TRIM69: variants seen among roughly 807,000 people sequenced by gnomAD.
The protein encoded by TRIM69 is tripartite motif containing 69.
Under a neutral mutation model 37.7 loss-of-function variants are expected in TRIM69, and 29 were observed. That is an observed-to-expected ratio of 0.77 (90% CI 0.57 to 1.05). The LOEUF (loss-of-function observed/expected upper bound fraction) is 1.05. Ranked by LOEUF, TRIM69 falls within the 50% of genes least tolerant of loss-of-function variation. The pLI, the probability that TRIM69 is intolerant of heterozygous loss-of-function variation, is 0.00. For synonymous variants in TRIM69, 209 were observed against 212.4 expected (o/e 0.98, Z 0.14); for missense variants, 596 against 579.9 (o/e 1.03, Z -0.28).
chr15:44,737,694 G>T (rs923488675), intron 1 of TRIM69, among the ~76,000 whole-genome samples: 1 of 152,126 alleles, frequency 6.6e-6, no homozygotes, highest in African/African-American at 2.4e-5. Context: ...GGCTTGACTC[G>T]TGAAGCAGGA....
intron 1 of TRIM69, among the ~76,000 whole-genome samples, chr15:44,741,174 G>C (rs908586085): frequency 5.9e-5 from 9 of 151,928 alleles, no homozygotes; most frequent in African/African-American, 1.9e-4. Flanking sequence ...ACTCAAAACC[G>C]CTCAACTACA....
At chr15:44,753,874 C>T (rs2087586058) in intron 1 of TRIM69, 1 of 152,040 alleles carries the variant, frequency 6.6e-6, no homozygotes, top group Non-Finnish European at 1.5e-5. Flanking sequence ...GCCGCCATGA[C>T]CAGCTAATTT....
intron 6 of TRIM69, 146 bp from the exon 7 acceptor site, chr15:44,767,085 G>C (rs1398263351): frequency 7.2e-5 from 4 of 55,414 alleles, no homozygotes; most frequent in Non-Finnish European, 1.1e-4. Flanking sequence ...AAAAAAAAAA[G>C]CATATAAGTA....
intron 6 of TRIM69, among the ~76,000 whole-genome samples, chr15:44,766,394 C>A (rs1198908178): frequency 6.6e-6 from 1 of 152,204 alleles, no homozygotes; most frequent in African/African-American, 2.4e-5. Flanking sequence ...AAACCTCTCA[C>A]TATTGTCCTC....
At chr15:44,750,693 C>T (rs2087500121) in intron 1 of TRIM69, among the ~76,000 whole-genome samples, 1 of 144,738 alleles carries the variant, frequency 6.9e-6, no homozygotes, top group Non-Finnish European at 1.5e-5. Context: ...CAAAGAATCG[C>T]ATTTTTATTT....
intron 4 of TRIM69, 46 bp downstream of exon 4, chr15:44,758,900 G>T (rs764664458): frequency 8.9e-6 from 14 of 1,567,750 alleles, no homozygotes; most frequent in Middle Eastern, 1.7e-4. Flanking sequence ...CCTACCTAGA[G>T]GGGGGAAGAG....
At chr15:44,764,046 A>C (rs1263304820) in intron 6 of TRIM69, among the ~76,000 whole-genome samples, 1 of 152,226 alleles carries the variant, frequency 6.6e-6, no homozygotes, top group Admixed American at 6.5e-5. Flanking sequence ...ATGCATGTGC[A>C]GATTAGTACT....
chr15:44,767,200 C>T (rs745413246), intron 6 of TRIM69, 31 bp from the exon 7 acceptor site: 44 of 1,581,038 alleles, frequency 2.8e-5, no homozygotes, highest in Non-Finnish European at 3.5e-5. Context: ...CCCTTTCTCC[C>T]ATGCTCTGCT....
Position 44,755,326 on chromosome 15 carries a change from G to T in TRIM69, c.433G>T (p.Gly145Trp). 6.2e-7 allele frequency: 1 copy of T among 1,613,948 alleles called. No homozygotes were observed. Among genetic ancestry groups the T allele is most frequent in the Non-Finnish European group, 8.5e-7 (1 of 1,180,012 alleles). ...FQCKDARLSV[G>W]QSKEFLQISD... ...ATGCAAGGATGCTCGGTTGTCTGTG[G>T]GGCAGTCTAAGGAGTTCCTGCAAAT... The change falls in exon 2 of 7, where the codon GGG (glycine) becomes TGG (tryptophan). Residue 145 changes from glycine (G) to tryptophan (W), a missense_variant. Coordinates refer to ENST00000329464, the MANE Select transcript of TRIM69 (RefSeq NM_182985.5).
At chr15:44,763,412 T>C (rs1320173196) in intron 6 of TRIM69, among the ~76,000 whole-genome samples, 1 of 152,238 alleles carries the variant, frequency 6.6e-6, no homozygotes, top group Non-Finnish European at 1.5e-5. Flanking sequence ...TTTATGACTA[T>C]TGATGTTGAC....
At chr15:44,750,956 T>G (rs1412535445) in intron 1 of TRIM69, among the ~76,000 whole-genome samples, 1 of 130,110 alleles carries the variant, frequency 7.7e-6, no homozygotes, top group East Asian at 2.2e-4. Flanking sequence ...TTGCCTTTTT[T>G]TTTTTTTTTT....
At position 44,767,545 on chromosome 15, in the gene TRIM69, G is replaced by A. The variant is rs966870051; in HGVS notation, c.1276G>A (p.Ala426Thr). ...ACTAAGGAACCAAACTGATCTAAAG[G>A]CTCTGGATTTGCCTTCTTTCAGTCT... ...LRLRNQTDLK[A>T]LDLPSFSLTL... is the part of the protein sequence containing the mutation. Residue 426 changes from alanine to threonine, a missense_variant, in exon 7 of 7, where the codon GCT becomes ACT. Coordinates refer to ENST00000329464, the MANE Select transcript of TRIM69 (RefSeq NM_182985.5). 26 of 1,614,052 alleles carry A rather than the reference G, an allele frequency of 1.6e-5. No individual in the cohort carries two copies. The highest frequency in any genetic ancestry group is 2.2e-5 in the Non-Finnish European group (26 of 1,180,036).
intron 6 of TRIM69, among the ~76,000 whole-genome samples, chr15:44,760,073 A>G (rs1311691335): frequency 6.6e-6 from 1 of 152,226 alleles, no homozygotes; most frequent in Admixed American, 6.5e-5. Flanking sequence ...TGGTAAATAG[A>G]TATGAGTTTG....
At chr15:44,754,387 G>A (rs186375010) in intron 1 of TRIM69, 325 of 153,370 alleles carry the variant, frequency 2.1e-3, no homozygotes, top group Admixed American at 3.6e-3. Flanking sequence ...TGATCTGCCC[G>A]CCTTGGCCTC....
chr15:44,750,252 A>T (rs1314403818), intron 1 of TRIM69, among the ~76,000 whole-genome samples: 1 of 152,202 alleles, frequency 6.6e-6, no homozygotes, highest in Non-Finnish European at 1.5e-5. Flanking sequence ...TAGGACCAAG[A>T]TAAGCTATCC....
chr15:44,752,228 G>A (rs535504612), intron 1 of TRIM69, among the ~76,000 whole-genome samples: 2 of 152,032 alleles, frequency 1.3e-5, no homozygotes, highest in African/African-American at 2.4e-5. Flanking sequence ...TATTTTGTAC[G>A]ATTTTTTAGA....
intron 1 of TRIM69, chr15:44,754,140 T>C (rs1566895097): frequency 1.0e-5 from 1 of 95,240 alleles, no homozygotes; most frequent in East Asian, 3.0e-4. Context: ...TTTTTTTTTT[T>C]TCTGAGATGG....
intron 1 of TRIM69, among the ~76,000 whole-genome samples, chr15:44,741,221 G>A (rs1451485979): frequency 5.9e-5 from 9 of 152,162 alleles, no homozygotes; most frequent in African/African-American, 1.9e-4. Context: ...TGACTACTGG[G>A]TACCTAACAA....
chr15:44,765,753 C>A (rs141649969), intron 6 of TRIM69, among the ~76,000 whole-genome samples: 1,255 of 43,888 alleles, frequency 0.029, 23 homozygotes, highest in African/African-American at 0.074. Context: ...GAATCTATCT[C>A]AAAAAAAACA....
Sources: allele counts gnomAD v4.1 joint callset (sites outside exome capture counted in the v4.1 genomes callset), GRCh38; gene constraint gnomAD v4.1.1; transcripts MANE v1.5; gene names NCBI Gene and HGNC (gene_info 2026-07-23, HGNC 2026-07-21).